The following TENM4 variants were observed in gnomAD, a reference collection of about 807,000 sequenced individuals.
TENM4 encodes the protein teneurin transmembrane protein 4.
A neutral mutation model predicts 243.3 loss-of-function variants in TENM4; 82 were observed. The ratio of observed to expected loss-of-function variants is 0.34; its 90% CI spans 0.28 to 0.40. The LOEUF is 0.40. Ranked by LOEUF, TENM4 falls within the 10% of genes least tolerant of loss-of-function variation. The pLI, the probability that TENM4 is intolerant of heterozygous loss-of-function variation, is 1.00. For synonymous variants in TENM4, 1,412 were observed against 1,456.3 expected (o/e 0.97, Z 0.69); for missense variants, 3,138 against 3,673.3 (o/e 0.85, Z 3.77).
intron 10 of TENM4, 123 bp downstream of exon 10, chr11:78,862,839 A>G: frequency 9.5e-7 from 1 of 1,053,080 alleles, no homozygotes; most frequent in Admixed American, 3.9e-5. Context: ...GTGTGGAAGG[A>G]TGGAGGGAGC....
chr11:78,865,918 C>T lies in TENM4; in HGVS notation c.1085-2786G>A, dbSNP rs572343881. Among the ~76,000 whole-genome samples, 5 of 152,338 alleles carry T rather than the reference C, an allele frequency of 3.3e-5. No homozygotes were observed. In the South Asian group the frequency reaches 1.0e-3, roughly 32 times the overall value. ...CATTGTTGTACCTAATGAGGTAATA[C>T]ATGGTAAAATGCTTTGCAAACTGTA... On this transcript the variant is annotated intron_variant, in intron 9 of 33. Transcript: ENST00000278550.
At chr11:78,857,204 C>T (rs751473138) in intron 10 of TENM4, among the ~76,000 whole-genome samples, 2 of 152,188 alleles carry the variant, frequency 1.3e-5, no homozygotes, top group Non-Finnish European at 2.9e-5. Flanking sequence ...ATCAAGTCAA[C>T]AGGCTGTATT....
chr11:79,327,965 C>A (rs1034929469), intron 1 of TENM4, among the ~76,000 whole-genome samples: 1 of 152,176 alleles, frequency 6.6e-6, no homozygotes, highest in African/African-American at 2.4e-5. Context: ...GCCCCACAAC[C>A]TGATCAAGTC....
chr11:78,854,259 C>A lies in TENM4; in HGVS notation c.1526G>T (p.Ser509Ile). 4 of 1,543,658 alleles carry A rather than the reference C, an allele frequency of 2.6e-6. No individual in the cohort carries two copies. The highest frequency in any genetic ancestry group is 2.5e-5 in the East Asian group (1 of 40,742). The change falls in exon 12 of 34, where the codon AGC (serine) becomes ATC (isoleucine). Residue 509 changes from serine (S) to isoleucine (I), a missense_variant. By Grantham distance (142) the Ser-to-Ile change is moderately radical. Transcript: ENST00000278550. ...GRRLLTQEAR[S>I]LEGTPRQSRG... ...AGACTGGCGCGGGGTCCCCTCTAGG[C>A]TCCGCGCCTCCTGGGTTAGGAGCCT...
chr11:79,096,736 C>A (rs997686226), intron 4 of TENM4: 1 of 152,574 alleles, frequency 6.6e-6, no homozygotes, highest in South Asian at 2.1e-4. Context: ...AACAGCTGGG[C>A]CACTGCCTGA....
chr11:79,220,301 T>C (rs1333641510), intron 2 of TENM4, among the ~76,000 whole-genome samples: 2 of 152,094 alleles, frequency 1.3e-5, no homozygotes, highest in Non-Finnish European at 2.9e-5. Flanking sequence ...CAGTGATAGG[T>C]GTGTTCTGTA....
intron 2 of TENM4, among the ~76,000 whole-genome samples, chr11:79,226,129 T>G (rs1864259764): frequency 6.6e-6 from 1 of 152,212 alleles, no homozygotes; most frequent in Non-Finnish European, 1.5e-5. Flanking sequence ...AAGGATTTTC[T>G]TCTGCACAGT....
chr11:78,698,133 G>A (rs1314960416), intron 28 of TENM4, among the ~76,000 whole-genome samples: 2 of 152,198 alleles, frequency 1.3e-5, no homozygotes, highest in Admixed American at 1.3e-4. Context: ...CGGGTGCGGT[G>A]GCTCATGCCT....
At chr11:78,741,399 A>C (rs1490036770) in intron 19 of TENM4, among the ~76,000 whole-genome samples, 2 of 152,156 alleles carry the variant, frequency 1.3e-5, no homozygotes, top group African/African-American at 2.4e-5. Context: ...GGCTGTTTTC[A>C]AGCTACCAAT....
chr11:78,833,965 G>C (rs1161519034), intron 12 of TENM4, among the ~76,000 whole-genome samples: 1 of 152,192 alleles, frequency 6.6e-6, no homozygotes, highest in East Asian at 1.9e-4. Flanking sequence ...CTTTCAGGAA[G>C]ATGAGTGACT....
chr11:79,282,683 GGGAGATAAT>G (rs1856177338), intron 2 of TENM4, among the ~76,000 whole-genome samples: 1 of 152,176 alleles, frequency 6.6e-6, no homozygotes, highest in South Asian at 2.1e-4. Flanking sequence ...TGGATTCCAG[GGGAGATAAT>G]GGTGTAAGCA....
intron 1 of TENM4, among the ~76,000 whole-genome samples, chr11:79,439,708 T>C (rs1859358732): frequency 1.4e-5 from 2 of 147,398 alleles, no homozygotes; most frequent in Non-Finnish European, 1.5e-5. Context: ...CCCACTACCT[T>C]CCAGTCTGCT....
intron 12 of TENM4, among the ~76,000 whole-genome samples, chr11:78,839,215 G>A (rs1858193992): frequency 6.6e-6 from 1 of 151,900 alleles, no homozygotes; most frequent in South Asian, 2.1e-4. Flanking sequence ...TTCCCTTTAG[G>A]ATTCTGTTTG....
At chr11:78,744,006 G>A (rs908781447) in intron 19 of TENM4, among the ~76,000 whole-genome samples, 1 of 152,144 alleles carries the variant, frequency 6.6e-6, no homozygotes, top group African/African-American at 2.4e-5. Flanking sequence ...ATTTTAAACA[G>A]GTTTTTTTGC....
At chr11:79,362,533 A>G (rs895561061) in intron 1 of TENM4, among the ~76,000 whole-genome samples, 30 of 152,224 alleles carry the variant, frequency 2.0e-4, no homozygotes, top group South Asian at 2.1e-4. Context: ...GTTCATTTCC[A>G]GAACAAGTTC....
At chr11:78,927,355 G>C (rs138175860) in intron 6 of TENM4, among the ~76,000 whole-genome samples, 1 of 152,172 alleles carries the variant, frequency 6.6e-6, no homozygotes. Context: ...GACAAAATTT[G>C]TAAGGAAAGT....
At chr11:78,750,474 T>G (rs1353244600) in intron 19 of TENM4, among the ~76,000 whole-genome samples, 2 of 152,230 alleles carry the variant, frequency 1.3e-5, no homozygotes, top group African/African-American at 4.8e-5. Flanking sequence ...ATTTGTTCAT[T>G]TGTTTTCAAC....
At chr11:79,218,538 A>G (rs960215872) in intron 2 of TENM4, among the ~76,000 whole-genome samples, 5 of 151,912 alleles carry the variant, frequency 3.3e-5, no homozygotes, top group African/African-American at 1.2e-4. Context: ...CCTTCCCCTC[A>G]CAGCTTCAGG....
intron 1 of TENM4, among the ~76,000 whole-genome samples, chr11:79,338,263 C>G (rs559909855): frequency 2.0e-5 from 3 of 152,256 alleles, no homozygotes; most frequent in Non-Finnish European, 4.4e-5. Context: ...CTATAGACAA[C>G]AAGAAGAGCT....
Sources: gnomAD v4.1 joint callset for allele counts (sites outside exome capture counted in the v4.1 genomes callset) on GRCh38, gnomAD v4.1.1 for gene constraint, MANE v1.5 for transcripts, NCBI Gene and HGNC (gene_info 2026-07-23, HGNC 2026-07-21) for gene names.